The following AKAP13 variants were observed in gnomAD, a reference collection of about 807,000 sequenced individuals.
AKAP13 encodes A-kinase anchoring protein 13, also known as A-kinase anchor protein 13.
AKAP13 carries 80 observed loss-of-function variants against 264.5 expected under a neutral mutation model. That is an observed-to-expected ratio of 0.30 (90% CI 0.25 to 0.36). AKAP13 has a LOEUF of 0.36. Among genes scored for constraint, AKAP13 ranks in the 10% least tolerant of loss-of-function variants. The pLI is 1.00. For missense variants in AKAP13, 3,712 were observed against 3,435.2 expected (o/e 1.08, Z -2.01); for synonymous variants, 1,380 against 1,250.2 (o/e 1.10, Z -2.19).
intron 1 of AKAP13, among the ~76,000 whole-genome samples, chr15:85,399,551 T>G (rs922552241): frequency 7.3e-6 from 1 of 137,128 alleles, no homozygotes; most frequent in African/African-American, 2.8e-5. Flanking sequence ...AATAAATAAA[T>G]AAATAAAGTT....
At chr15:85,413,913 A>G (rs891326679) in intron 1 of AKAP13, among the ~76,000 whole-genome samples, 1 of 152,286 alleles carries the variant, frequency 6.6e-6, no homozygotes, top group Non-Finnish European at 1.5e-5. Flanking sequence ...TACATTATCC[A>G]TTATACTCCT....
At chr15:85,599,919 G>GT (rs1205868586) in intron 8 of AKAP13, among the ~76,000 whole-genome samples, 4 of 152,114 alleles carry the variant, frequency 2.6e-5, no homozygotes, top group Non-Finnish European at 5.9e-5. Context: ...TAGTCTTGCT[G>GT]TTTTTTAAAA....
chr15:85,659,235 G>T (rs1056439167), intron 12 of AKAP13, among the ~76,000 whole-genome samples: 4 of 152,188 alleles, frequency 2.6e-5, no homozygotes, highest in Admixed American at 6.5e-5. Context: ...TTGCTAATTT[G>T]CTTCAAATTT....
At chr15:85,594,211 T>G (rs1215941924) in intron 8 of AKAP13, among the ~76,000 whole-genome samples, 1 of 152,236 alleles carries the variant, frequency 6.6e-6, no homozygotes, top group Non-Finnish European at 1.5e-5. Flanking sequence ...TTATGTTTAC[T>G]GCAAGGGTGT....
Position 85,719,255 on chromosome 15 carries a change from A to G in AKAP13, c.6181A>G (p.Lys2061Glu), listed in dbSNP as rs2087135227. 9 of 1,614,166 alleles carry G rather than the reference A, an allele frequency of 5.6e-6. No individual in the cohort carries two copies. In the East Asian group the frequency reaches 6.7e-5, roughly 12 times the overall value. Reference protein sequence around the residue: ...QFFQRILERKKESLVDKSEKN... With the variant: ...QFFQRILERKEESLVDKSEKN... ...CTTCCAGAGGATTCTGGAGCGGAAGAAGGAGTCTCTGGTGGATAAAAGTGA... is the reference window on the plus strand; with the variant it reads ...CTTCCAGAGGATTCTGGAGCGGAAGGAGGAGTCTCTGGTGGATAAAAGTGA... The change falls in exon 23 of 37, where the codon AAG becomes GAG. Residue 2061 changes from lysine (K) to glutamate (E), a missense_variant. By Grantham distance (56) the Lys-to-Glu change is moderately conservative. Coordinates refer to ENST00000394518, the MANE Select transcript of AKAP13 (RefSeq NM_007200.5).
intron 8 of AKAP13, among the ~76,000 whole-genome samples, chr15:85,630,208 C>CA (rs1491087179): frequency 2.2e-4 from 10 of 44,910 alleles, no homozygotes; most frequent in Non-Finnish European, 3.9e-4. Flanking sequence ...CACACACACA[C>CA]ATCATGAACT....
At chr15:85,557,201 A>G (rs891699105) in intron 5 of AKAP13, among the ~76,000 whole-genome samples, 3 of 152,184 alleles carry the variant, frequency 2.0e-5, no homozygotes, top group South Asian at 2.1e-4. Flanking sequence ...TAATTTTAAA[A>G]TTTATTTTTT....
rs200960346 is a variant in AKAP13 at position 85,727,276 on chromosome 15, C to T, written c.7004+29C>T. ...AGTTAACCACCAGGCCCCACCCTTC[C>T]CAGCCCTCCTGATGTCTCTGTGTGA... On this transcript the variant is annotated intron_variant, in intron 28 of 36. Transcript: ENST00000394518. This position sits in a 1 kb window ranked among gnomAD's most constrained non-coding sequence, Gnocchi z 5.3. 7.4e-6 allele frequency: 12 copies of T among 1,613,534 alleles called. No homozygotes were observed. In the Admixed American group the frequency reaches 8.3e-5, roughly 11 times the overall value.
In AKAP13 at chr15:85,416,344, G is replaced by A. The variant is rs548941422; in HGVS notation, c.-12+35546G>A. On this transcript the variant is annotated intron_variant, in intron 1 of 36. Coordinates refer to ENST00000394518, the MANE Select transcript of AKAP13 (RefSeq NM_007200.5). ...ATGTGAACAGCTTGAGTAACATTTT[G>A]TTCAAGACTCAGTTGTGGGTAGCCA... Among the ~76,000 whole-genome samples, 6 of 152,276 alleles carry A rather than the reference G, an allele frequency of 3.9e-5. No individual in the cohort carries two copies. The South Asian group carries it at 1.2e-3, about 32-fold the overall frequency.
chr15:85,421,586 C>T (rs1001123587), intron 1 of AKAP13, among the ~76,000 whole-genome samples: 5 of 152,146 alleles, frequency 3.3e-5, no homozygotes, highest in African/African-American at 4.8e-5. Context: ...TGCGCGTGTG[C>T]GCGCGCGCCT....
At chr15:85,671,867 A>G (rs2083949649) in intron 14 of AKAP13, among the ~76,000 whole-genome samples, 1 of 152,144 alleles carries the variant, frequency 6.6e-6, no homozygotes, top group Admixed American at 6.5e-5. Context: ...GCAACAGATA[A>G]CTAGTACCAA....
At chr15:85,656,631 G>A (rs560026184) in intron 11 of AKAP13, among the ~76,000 whole-genome samples, 16 of 152,050 alleles carry the variant, frequency 1.1e-4, no homozygotes, top group African/African-American at 3.9e-4. Flanking sequence ...TGTATTTTTA[G>A]TAGAGACAGG....
intron 8 of AKAP13, among the ~76,000 whole-genome samples, chr15:85,592,966 G>A (rs1447412378): frequency 6.6e-6 from 1 of 152,108 alleles, no homozygotes; most frequent in African/African-American, 2.4e-5. Context: ...TCTCCTTTGT[G>A]TAATGGTTAA....
intron 8 of AKAP13, among the ~76,000 whole-genome samples, chr15:85,621,673 G>A (rs1248334146): frequency 6.6e-6 from 1 of 152,168 alleles, no homozygotes; most frequent in Non-Finnish European, 1.5e-5. Flanking sequence ...TGGCCTCAGA[G>A]TTGCTGTTTT....
chr15:85,446,931 A>G (rs1266759848), intron 1 of AKAP13, among the ~76,000 whole-genome samples: 1 of 152,184 alleles, frequency 6.6e-6, no homozygotes, highest in African/African-American at 2.4e-5. Context: ...AAAAAAGTGA[A>G]TGTGTAGTCA....
chr15:85,491,688 C>T lies in AKAP13; in HGVS notation c.33+5935C>T, dbSNP rs80077137. Among the ~76,000 whole-genome samples the T allele has an allele frequency of 3.0e-3, 456 of 151,846 alleles. 1 individual carries two copies. Among genetic ancestry groups the T allele is most frequent in the Non-Finnish European group, 5.5e-3 (373 of 67,950 alleles). On this transcript the variant is annotated intron_variant, in intron 2 of 36. Coordinates refer to ENST00000394518, the MANE Select transcript of AKAP13 (RefSeq NM_007200.5). ...TTGGTACTGTTACTCCATTTGTGAA[C>T]CTGAATAAGTGGTGTATAATATGAT...
intron 2 of AKAP13, among the ~76,000 whole-genome samples, chr15:85,486,364 AG>A (rs2075545387): frequency 6.6e-6 from 1 of 152,094 alleles, no homozygotes; most frequent in African/African-American, 2.4e-5. Flanking sequence ...GTTTTCATCT[AG>A]GAATTGTATA....
At chr15:85,646,577 C>T (rs1007169725) in intron 10 of AKAP13, among the ~76,000 whole-genome samples, 1 of 152,168 alleles carries the variant, frequency 6.6e-6, no homozygotes, top group Non-Finnish European at 1.5e-5. Flanking sequence ...ACAGTGAACA[C>T]TTCTCAGTGG....
intron 14 of AKAP13, among the ~76,000 whole-genome samples, chr15:85,677,739 A>G (rs187230370): frequency 1.3e-5 from 2 of 148,536 alleles, no homozygotes; most frequent in Admixed American, 1.4e-4. Context: ...GGTTCACGCC[A>G]TTCTTCTGCC....
Sources: allele counts gnomAD v4.1 joint callset (sites outside exome capture counted in the v4.1 genomes callset), GRCh38; gene constraint gnomAD v4.1.1; non-coding constraint Gnocchi (gnomAD v3.1); transcripts MANE v1.5; gene names NCBI Gene and HGNC (gene_info 2026-07-23, HGNC 2026-07-21).